Variants in GFRA1 observed in about 807,000 individuals in gnomAD.
GFRA1 encodes the protein GDNF family receptor alpha-1.
In GFRA1, 16 loss-of-function variants were observed where a neutral mutation model predicts 51.6. That is an observed-to-expected ratio of 0.31 (90% CI 0.21 to 0.47). The LOEUF is 0.47. Among genes scored for constraint, GFRA1 ranks in the 20% least tolerant of loss-of-function variants. The pLI, the probability that GFRA1 is intolerant of heterozygous loss-of-function variation, is 1.00. For synonymous variants in GFRA1, 270 were observed against 241.3 expected, an observed-to-expected ratio of 1.12 and a Z score of -1.10; for missense variants, 530 against 594.3, an observed-to-expected ratio of 0.89 and a Z score of 1.13.
chr10:116,161,726 A>G (rs895731556), intron 5 of GFRA1, among the ~76,000 whole-genome samples: 1 of 152,176 alleles, frequency 6.6e-6, no homozygotes, highest in African/African-American at 2.4e-5. Flanking sequence ...TTCTTCCTTC[A>G]TCTGCCATGA....
At chr10:116,193,208 A>G (rs1023192767) in intron 5 of GFRA1, among the ~76,000 whole-genome samples, 19 of 152,206 alleles carry the variant, frequency 1.2e-4, no homozygotes, top group Non-Finnish European at 2.2e-4. Context: ...TGCTGCAGTC[A>G]TAACAGCCAT....
At chr10:116,110,663 G>T (rs1426677462) in intron 6 of GFRA1, among the ~76,000 whole-genome samples, 2 of 152,166 alleles carry the variant, frequency 1.3e-5, no homozygotes, top group Non-Finnish European at 2.9e-5. Flanking sequence ...CAGCTTTGTA[G>T]CCTGGCACCT....
intron 6 of GFRA1, among the ~76,000 whole-genome samples, chr10:116,122,058 G>A (rs1393421875): frequency 5.9e-5 from 9 of 152,150 alleles, no homozygotes; most frequent in Admixed American, 5.2e-4. Context: ...GAAATTATGG[G>A]CTAAATCACT....
At chr10:116,111,271 C>A (rs1483332231) in intron 6 of GFRA1, among the ~76,000 whole-genome samples, 1 of 152,202 alleles carries the variant, frequency 6.6e-6, no homozygotes, top group African/African-American at 2.4e-5. Flanking sequence ...TTAGAGACAA[C>A]AGACTGTCTA....
rs3981245 is a variant in GFRA1 at position 116,196,671 on chromosome 10, A to C, written c.433+14960T>G. Among the ~76,000 whole-genome samples, 33 of 28,354 alleles carry C rather than the reference A, an allele frequency of 1.2e-3. 3 individuals carry two copies. The East Asian group carries it at 0.016, about 14-fold the overall frequency. The allele number at this position is 28,354 out of a possible 152,430, so 18.6% of individuals were successfully genotyped here. ...TAATATATATATAGTACTATATATA[A>C]TATATATAATATATAGTACTATATA... On this transcript the variant is annotated intron_variant, in intron 5 of 10. Coordinates refer to ENST00000355422, the MANE Select transcript of GFRA1 (RefSeq NM_005264.8).
chr10:116,218,266 G>T (rs1489284045), intron 4 of GFRA1, among the ~76,000 whole-genome samples: 1 of 152,132 alleles, frequency 6.6e-6, no homozygotes, highest in Non-Finnish European at 1.5e-5. Flanking sequence ...AGGGGGCTCA[G>T]CTAGCCCTTT....
At position 116,062,441 on chromosome 10, in the gene GFRA1, C is replaced by T. The variant is rs1294660252; in HGVS notation, c.*1957G>A. 1 of 259,318 alleles carries T rather than the reference C, an allele frequency of 3.9e-6. No homozygotes were observed. The highest frequency in any genetic ancestry group is 2.2e-5 in the African/African-American group (1 of 45,404). The allele number at this position is 259,318 out of a possible 1,614,324, so 16.1% of individuals were successfully genotyped here. Reference sequence around the variant, plus strand: ...GAAAACATTTTGAAGTGAAAAAAGTCAGTACTGAGTACTGTACATTTGTGT... The same window carrying T: ...GAAAACATTTTGAAGTGAAAAAAGTTAGTACTGAGTACTGTACATTTGTGT... On this transcript the variant is annotated 3_prime_UTR_variant, in exon 11 of 11. Transcript: ENST00000355422.
Position 116,096,648 on chromosome 10 carries a change from A to G in GFRA1, c.880+7T>C. The stretch of plus-strand genomic sequence containing the variant: ...TCTTCTCCCATCCTGCTTCTCTCGG[A>G]TCTTACCAATAAGCCCCGAGTAGGC... On this transcript the variant is annotated splice_region_variant and intron_variant, in intron 7 of 10. Transcript: ENST00000355422. 1 of 1,481,550 alleles carries G rather than the reference A, an allele frequency of 6.7e-7. No individual in the cohort carries two copies. Among genetic ancestry groups the G allele is most frequent in the Non-Finnish European group, 9.4e-7 (1 of 1,059,954 alleles). 91.8% of individuals were successfully genotyped at this position (1,481,550 alleles called of 1,614,324 possible). A position where few individuals can be genotyped will look rare whatever the true frequency, so the allele number is the denominator to read the frequency against.
chr10:116,273,644 A>T (rs1181762086), upstream of GFRA1, among the ~76,000 whole-genome samples: 1 of 146,500 alleles, frequency 6.8e-6, no homozygotes, highest in African/African-American at 2.5e-5. Context: ...CCAGACACAC[A>T]CACTCTCTCT....
intron 5 of GFRA1, among the ~76,000 whole-genome samples, chr10:116,188,807 C>T (rs182695888): frequency 6.6e-4 from 98 of 149,540 alleles, no homozygotes; most frequent in Non-Finnish European, 1.1e-3. Context: ...GGCTGAGGCA[C>T]GAGAATCACT....
At position 116,258,048 on chromosome 10, in the gene GFRA1, C is replaced by G. The variant is rs529548409; in HGVS notation, c.418+11455G>C. 1.8e-4 allele frequency among the ~76,000 whole-genome samples: 27 copies of G among 152,312 alleles called. No homozygotes were observed. In the Middle Eastern group the frequency reaches 0.01, roughly 58 times the overall value. ...AGCCTTCTCTGACCGGCAACACCAT[C>G]CAGTCCGTTATTCCCACCATAGGGC... On this transcript the variant is annotated intron_variant, in intron 4 of 10. Transcript: ENST00000355422.
intron 4 of GFRA1, among the ~76,000 whole-genome samples, chr10:116,244,840 A>G (rs1967736327): frequency 6.6e-6 from 1 of 152,182 alleles, no homozygotes; most frequent in Admixed American, 6.5e-5. Context: ...AAATACACGT[A>G]TTCACATAGG....
chr10:116,154,255 CAA>C (rs1469329594), intron 5 of GFRA1, among the ~76,000 whole-genome samples: 1 of 152,142 alleles, frequency 6.6e-6, no homozygotes, highest in Non-Finnish European at 1.5e-5. Context: ...ATACGTTCAC[CAA>C]AAGACACAAA....
At chr10:116,265,869 A>T (rs1296081110) in intron 4 of GFRA1, among the ~76,000 whole-genome samples, 1 of 152,016 alleles carries the variant, frequency 6.6e-6, no homozygotes, top group Non-Finnish European at 1.5e-5. Flanking sequence ...CTCACCCCAC[A>T]GGAAACACAC....
intron 4 of GFRA1, 70 bp from the exon 5 acceptor site, chr10:116,211,715 T>C: frequency 1.6e-6 from 2 of 1,235,262 alleles, no homozygotes; most frequent in Non-Finnish European, 2.3e-6. Context: ...TTAATAATAA[T>C]GTTGAAAAGG....
chr10:116,173,764 G>GT (rs942984378), intron 5 of GFRA1, among the ~76,000 whole-genome samples: 3 of 152,178 alleles, frequency 2.0e-5, no homozygotes, highest in Admixed American at 2.0e-4. Context: ...GGCCGAACAG[G>GT]TTTTTTTTCC....
chr10:116,269,628 A>G lies in GFRA1; in HGVS notation c.335-42T>C, dbSNP rs753702356. The G allele has an allele frequency of 4.8e-5, 58 of 1,209,700 alleles. 1 individual carries two copies. The highest frequency in any genetic ancestry group is 5.9e-5 in the Non-Finnish European group (48 of 810,856). The allele number at this position is 1,209,700 out of a possible 1,614,324, so 74.9% of individuals were successfully genotyped here. A position where few individuals can be genotyped will look rare whatever the true frequency, so the allele number is the denominator to read the frequency against. ...GATTGGGCTCAGATCAGAAAAACAT[A>G]TATTTCAAGCAGGTTTTTGCTGCTG... On this transcript the variant is annotated intron_variant, in intron 3 of 10. Coordinates refer to ENST00000355422, the MANE Select transcript of GFRA1 (RefSeq NM_005264.8).
chr10:116,178,425 T>C (rs770456801), intron 5 of GFRA1, among the ~76,000 whole-genome samples: 11 of 152,222 alleles, frequency 7.2e-5, no homozygotes, highest in Admixed American at 3.3e-4. Flanking sequence ...CCAAGCTTGT[T>C]GAGAACAGGC....
intron 5 of GFRA1, among the ~76,000 whole-genome samples, chr10:116,144,464 T>A (rs1245771045): frequency 6.6e-6 from 1 of 152,032 alleles, no homozygotes; most frequent in Non-Finnish European, 1.5e-5. Flanking sequence ...GAATACGAGA[T>A]AATGTCAGCT....
Sources: allele counts gnomAD v4.1 joint callset (sites outside exome capture counted in the v4.1 genomes callset), GRCh38; gene constraint gnomAD v4.1.1; transcripts MANE v1.5; gene names NCBI Gene and HGNC (gene_info 2026-07-23, HGNC 2026-07-21).